FSIP1: variants seen among roughly 807,000 people sequenced by gnomAD.
FSIP1 encodes fibrous sheath interacting protein 1.
A neutral mutation model predicts 60.9 loss-of-function variants in FSIP1; 65 were observed. That is an observed-to-expected ratio of 1.07 (90% CI 0.87 to 1.31). The LOEUF (loss-of-function observed/expected upper bound fraction) is 1.31. Among genes scored for constraint, FSIP1 ranks in the 40% most tolerant of loss-of-function variants. FSIP1 has a pLI of 0.00. For synonymous variants in FSIP1, 209 were observed against 221.2 expected (o/e 0.94, Z 0.49); for missense variants, 675 against 665.5 (o/e 1.01, Z -0.16).
At chr15:39,719,624 T>C (rs1027191771) in intron 9 of FSIP1, among the ~76,000 whole-genome samples, 1 of 152,208 alleles carries the variant, frequency 6.6e-6, no homozygotes, top group African/African-American at 2.4e-5. Flanking sequence ...CCTGCCTAAA[T>C]AAAGACAGCT....
chr15:39,653,135 C>T (rs1458494486), intron 10 of FSIP1, among the ~76,000 whole-genome samples: 4 of 144,706 alleles, frequency 2.8e-5, no homozygotes, highest in African/African-American at 1.0e-4. Context: ...GAGACCACGC[C>T]AGTGCACCGT....
intron 10 of FSIP1, among the ~76,000 whole-genome samples, chr15:39,655,689 T>A (rs1367683486): frequency 2.0e-5 from 3 of 152,200 alleles, no homozygotes; most frequent in African/African-American, 7.2e-5. Flanking sequence ...ATGCAGCTAC[T>A]TTTTATGAAC....
intron 3 of FSIP1, among the ~76,000 whole-genome samples, chr15:39,766,311 AG>A (rs1452888192): frequency 6.6e-6 from 1 of 152,230 alleles, no homozygotes. Flanking sequence ...AATTTCTTAA[AG>A]TACAATTGAT....
At chr15:39,777,164 C>A (rs1404913898) in intron 1 of FSIP1, among the ~76,000 whole-genome samples, 7 of 151,984 alleles carry the variant, frequency 4.6e-5, no homozygotes, top group South Asian at 2.1e-4. Context: ...AAACTCCTGA[C>A]CTCAGGTGAT....
intron 5 of FSIP1, among the ~76,000 whole-genome samples, chr15:39,762,089 A>G (rs145180907): frequency 1.8e-4 from 28 of 152,328 alleles, no homozygotes; most frequent in African/African-American, 6.5e-4. Flanking sequence ...TGAAATGTCC[A>G]AGCTTGCTCT....
intron 10 of FSIP1, among the ~76,000 whole-genome samples, chr15:39,678,308 T>G (rs1057192902): frequency 3.3e-5 from 5 of 152,082 alleles, no homozygotes; most frequent in African/African-American, 4.8e-5. Context: ...GTGCTCTATC[T>G]AGAAACTATC....
intron 10 of FSIP1, among the ~76,000 whole-genome samples, chr15:39,661,491 A>G (rs1447645386): frequency 6.6e-6 from 1 of 152,238 alleles, no homozygotes; most frequent in Non-Finnish European, 1.5e-5. Context: ...ACATGATTAC[A>G]TTAAGAAAAA....
intron 10 of FSIP1, among the ~76,000 whole-genome samples, chr15:39,635,731 C>T (rs894605370): frequency 1.1e-4 from 17 of 152,268 alleles, no homozygotes; most frequent in African/African-American, 4.1e-4. Flanking sequence ...CCAAAGATTC[C>T]TGGTCATCCT....
At chr15:39,623,661 C>T (rs1228350939) in intron 10 of FSIP1, among the ~76,000 whole-genome samples, 2 of 152,060 alleles carry the variant, frequency 1.3e-5, no homozygotes, top group Non-Finnish European at 2.9e-5. Flanking sequence ...AACAGAAACC[C>T]TTATGTCAAA....
intron 8 of FSIP1, among the ~76,000 whole-genome samples, chr15:39,733,894 A>G (rs1896511335): frequency 6.6e-6 from 1 of 152,212 alleles, no homozygotes; most frequent in Non-Finnish European, 1.5e-5. Flanking sequence ...GTTACTAGAA[A>G]AAAGTAAACT....
intron 10 of FSIP1, among the ~76,000 whole-genome samples, chr15:39,649,107 G>C (rs945096765): frequency 6.6e-6 from 1 of 152,172 alleles, no homozygotes; most frequent in African/African-American, 2.4e-5. Flanking sequence ...CATTTGACTG[G>C]ACACGATTTC....
At chr15:39,636,848 C>T (rs762573083) in intron 10 of FSIP1, among the ~76,000 whole-genome samples, 1 of 152,118 alleles carries the variant, frequency 6.6e-6, no homozygotes, top group African/African-American at 2.4e-5. Context: ...TTAGTGTACT[C>T]GTAGAAAGTC....
chr15:39,672,356 C>A (rs1893754978), intron 10 of FSIP1, among the ~76,000 whole-genome samples: 1 of 152,208 alleles, frequency 6.6e-6, no homozygotes, highest in African/African-American at 2.4e-5. Flanking sequence ...GCCCAAACAC[C>A]TACATCTGTC....
At chr15:39,598,757 T>A (rs891544118), downstream of FSIP1, 2 of 152,172 alleles carry the variant, frequency 1.3e-5, no homozygotes, top group African/African-American at 4.8e-5. Context: ...GTGGGAGAGC[T>A]CGAGTGAAGA....
chr15:39,719,291 CT>C (rs1198200065), intron 9 of FSIP1, among the ~76,000 whole-genome samples: 2 of 152,212 alleles, frequency 1.3e-5, no homozygotes, highest in Non-Finnish European at 2.9e-5. Context: ...ATCAGATTAT[CT>C]GACCAACATA....
intron 8 of FSIP1, among the ~76,000 whole-genome samples, chr15:39,732,299 G>A (rs923190625): frequency 8.5e-5 from 13 of 152,190 alleles, no homozygotes; most frequent in Admixed American, 5.9e-4. Flanking sequence ...GTCCTAGAGA[G>A]ATTCAAGAGA....
chr15:39,688,781 C>A (rs1167121690), intron 10 of FSIP1, among the ~76,000 whole-genome samples: 1 of 152,208 alleles, frequency 6.6e-6, no homozygotes, highest in Non-Finnish European at 1.5e-5. Context: ...ACCCAGCACC[C>A]AATCTCTTTG....
chr15:39,667,499 A>G (rs1042640996), intron 10 of FSIP1, among the ~76,000 whole-genome samples: 5 of 152,180 alleles, frequency 3.3e-5, no homozygotes, highest in African/African-American at 4.8e-5. Context: ...TTTATTCAAA[A>G]AGACTTATCA....
chr15:39,733,991 G>C (rs1223736027), intron 8 of FSIP1, among the ~76,000 whole-genome samples: 3 of 152,086 alleles, frequency 2.0e-5, no homozygotes, highest in Non-Finnish European at 4.4e-5. Flanking sequence ...TGATGGAAAG[G>C]AAGAAATAAT....
Sources: gnomAD v4.1 joint callset for allele counts (sites outside exome capture counted in the v4.1 genomes callset) on GRCh38, gnomAD v4.1.1 for gene constraint, MANE v1.5 for transcripts, NCBI Gene and HGNC (gene_info 2026-07-23, HGNC 2026-07-21) for gene names.